The following SMG6 variants were observed in gnomAD, a reference collection of about 807,000 sequenced individuals.
SMG6 encodes the protein SMG6 nonsense mediated mRNA decay factor.
Under a neutral mutation model 142.2 loss-of-function variants are expected in SMG6, and 66 were observed. That is an observed-to-expected ratio of 0.46 (90% CI 0.38 to 0.57). The LOEUF is 0.57. Ranked by LOEUF, SMG6 falls within the 20% of genes least tolerant of loss-of-function variation. The pLI is 0.00. For synonymous variants in SMG6, 779 were observed against 702.4 expected, an observed-to-expected ratio of 1.11 and a Z score of -1.72; for missense variants, 1,793 against 1,832.0, an observed-to-expected ratio of 0.98 and a Z score of 0.39.
chr17:2,221,767 G>A (rs561778022), intron 10 of SMG6, among the ~76,000 whole-genome samples: 27 of 152,130 alleles, frequency 1.8e-4, no homozygotes, highest in African/African-American at 5.5e-4. Context: ...TTTTTGAGAC[G>A]GAGTCTTGCA....
At chr17:2,187,683 T>C (rs2072033544) in intron 11 of SMG6, among the ~76,000 whole-genome samples, 1 of 152,098 alleles carries the variant, frequency 6.6e-6, no homozygotes, top group African/African-American at 2.4e-5. Context: ...TCTGCACTAT[T>C]CTGGCTACTG....
At chr17:2,222,144 A>C (rs2073187285) in intron 10 of SMG6, among the ~76,000 whole-genome samples, 1 of 152,270 alleles carries the variant, frequency 6.6e-6, no homozygotes, top group Non-Finnish European at 1.5e-5. Context: ...AAAACAGACC[A>C]GAGACCCCTA....
At position 2,299,713 on chromosome 17, in the gene SMG6, C is replaced by T. The variant is rs758784815; in HGVS notation, c.1040G>A (p.Arg347Gln). 22 of 1,614,040 alleles carry T rather than the reference C, an allele frequency of 1.4e-5. No homozygotes were observed. The highest frequency in any genetic ancestry group is 2.7e-5 in the African/African-American group (2 of 74,908). The change falls in exon 2 of 19, where the codon CGA becomes CAA. Residue 347 changes from arginine to glutamine, a missense_variant. Physicochemically the swap from Arg to Gln is conservative, Grantham distance 43. Coordinates refer to ENST00000263073, the MANE Select transcript of SMG6 (RefSeq NM_017575.5). This position sits in a 1 kb window ranked among gnomAD's most constrained non-coding sequence, Gnocchi z 4.3. The part of the protein sequence containing the change: ...GEQKNSAKEY[R>Q]GTLRVTFDAE... ...ATCGAAAGTGACACGAAGAGTGCCT[C>T]GATATTCTTTAGCACTGTTTTTCTG...
At chr17:2,286,470 T>G (rs1281883299) in intron 6 of SMG6, among the ~76,000 whole-genome samples, 1 of 152,136 alleles carries the variant, frequency 6.6e-6, no homozygotes, top group Non-Finnish European at 1.5e-5. Context: ...TAAAGTGACT[T>G]TTTACAAGGG....
At chr17:2,292,167 A>G (rs2075052416) in intron 6 of SMG6, among the ~76,000 whole-genome samples, 2 of 152,256 alleles carry the variant, frequency 1.3e-5, no homozygotes. Context: ...ACTTAGAGGT[A>G]GGTGAAAACT....
At position 2,278,599 on chromosome 17, in the gene SMG6, T is replaced by C. The variant is rs138064315; in HGVS notation, c.2661+4048A>G. On this transcript the variant is annotated intron_variant, in intron 8 of 18. Transcript: ENST00000263073. ...TCCTTTTAAAACAAAATAAATTTGT[T>C]CCAGTACTGGAAGTATTGGAACGAG... Among the ~76,000 whole-genome samples the C allele has an allele frequency of 3.7e-3, 564 of 152,302 alleles. 1 individual carries two copies. Among genetic ancestry groups the C allele is most frequent in the African/African-American group, 0.013 (528 of 41,552 alleles).
chr17:2,245,022 C>T (rs1567713976), intron 8 of SMG6: 1 of 333,822 alleles, frequency 3.0e-6, no homozygotes, highest in Non-Finnish European at 5.5e-6. Context: ...AAGGTGCCCA[C>T]AGCTCTCTGA....
rs368935937 is a variant in SMG6 at position 2,283,615 on chromosome 17, C to G, written c.2448+10G>C. 27 of 1,604,658 alleles carry G rather than the reference C, an allele frequency of 1.7e-5. No homozygotes were observed. Among genetic ancestry groups the G allele is most frequent in the Non-Finnish European group, 2.1e-5 (25 of 1,171,584 alleles). On this transcript the variant is annotated intron_variant, in intron 7 of 18. Coordinates refer to ENST00000263073, the MANE Select transcript of SMG6 (RefSeq NM_017575.5). Reference sequence around the variant, plus strand: ...CGAGGAAGGAAGGGTTCTGCCACATCCCCACTCACCTTCCGCTTGGTCTCT... The same window carrying G: ...CGAGGAAGGAAGGGTTCTGCCACATGCCCACTCACCTTCCGCTTGGTCTCT...
In SMG6 at chr17:2,120,099, C is replaced by T. The variant is rs556588110; in HGVS notation, c.3358-34198G>A. ...CTGGGATTCCACGCGTGAGCCACCG[C>T]GCCCGGCCTCCATACAGCGCTTAGA... On this transcript the variant is annotated intron_variant, in intron 13 of 18. Transcript: ENST00000263073. Among the ~76,000 whole-genome samples, 6 of 152,352 alleles carry T rather than the reference C, an allele frequency of 3.9e-5. No homozygotes were observed. In the East Asian group the frequency reaches 5.8e-4, roughly 15 times the overall value.
chr17:2,198,638 T>A (rs2072409998), intron 10 of SMG6, among the ~76,000 whole-genome samples: 1 of 152,162 alleles, frequency 6.6e-6, no homozygotes, highest in East Asian at 1.9e-4. Flanking sequence ...TTAAAACAAC[T>A]TCCTGTGAAT....
At chr17:2,234,104 C>G (rs917929227) in intron 10 of SMG6, among the ~76,000 whole-genome samples, 2 of 152,096 alleles carry the variant, frequency 1.3e-5, no homozygotes, top group African/African-American at 4.8e-5. Flanking sequence ...TTTTCCATGT[C>G]TCTCCTGGCT....
At chr17:2,213,059 A>AT (rs2151750275) in intron 10 of SMG6, among the ~76,000 whole-genome samples, 1 of 152,346 alleles carries the variant, frequency 6.6e-6, no homozygotes, top group South Asian at 2.1e-4. Context: ...CCGAGAGTGA[A>AT]GGGGTGTGCT....
intron 13 of SMG6, among the ~76,000 whole-genome samples, chr17:2,159,470 A>C (rs2071108585): frequency 6.6e-6 from 1 of 152,082 alleles, no homozygotes. Flanking sequence ...TAAAACCAAA[A>C]TGAGATACTA....
intron 10 of SMG6, among the ~76,000 whole-genome samples, chr17:2,199,382 C>A (rs2151718157): frequency 6.6e-6 from 1 of 151,904 alleles, no homozygotes; most frequent in African/African-American, 2.4e-5. Flanking sequence ...CTTATAATCC[C>A]AGCACTTTGG....
intron 10 of SMG6, among the ~76,000 whole-genome samples, chr17:2,190,094 G>C (rs2072113374): frequency 6.6e-6 from 1 of 152,204 alleles, no homozygotes; most frequent in Non-Finnish European, 1.5e-5. Context: ...GGGGAGATAT[G>C]TAAGTTGTCA....
In SMG6 at chr17:2,236,699, TCTCACACA is replaced by T. The variant is rs1243212157; in HGVS notation, c.2724-70_2724-63del. ...CTCTTTCAGTCTCTCTCTCACTCTGTCTCACACACACACACACACACACACACACACAC... is the reference window on the plus strand; with the variant it reads ...CTCTTTCAGTCTCTCTCTCACTCTGTCACACACACACACACACACACACAC... On this transcript the variant is annotated intron_variant, in intron 9 of 18. Coordinates refer to ENST00000263073, the MANE Select transcript of SMG6 (RefSeq NM_017575.5). The T allele has an allele frequency of 4.1e-4, 606 of 1,460,660 alleles. 4 individuals carry two copies. The highest frequency in any genetic ancestry group is 2.6e-3 in the African/African-American group (138 of 53,146). The allele number at this position is 1,460,660 out of a possible 1,614,324, so 90.5% of individuals were successfully genotyped here.
chr17:2,259,832 C>T (rs1424865088), intron 8 of SMG6, among the ~76,000 whole-genome samples: 1 of 152,136 alleles, frequency 6.6e-6, no homozygotes, highest in Non-Finnish European at 1.5e-5. Context: ...GGGAGGAGCA[C>T]GAACTAATCT....
chr17:2,093,554 G>A (rs1193551491), intron 13 of SMG6, among the ~76,000 whole-genome samples: 1 of 152,158 alleles, frequency 6.6e-6, no homozygotes, highest in Non-Finnish European at 1.5e-5. Context: ...GAGGTGGGAG[G>A]GGCACTGCCT....
intron 6 of SMG6, among the ~76,000 whole-genome samples, chr17:2,288,238 C>T (rs1183000747): frequency 6.6e-6 from 1 of 151,622 alleles, no homozygotes; most frequent in Non-Finnish European, 1.5e-5. Flanking sequence ...CACTTGAACC[C>T]GGGAGGTGGA....
Sources: gnomAD v4.1 joint callset for allele counts (sites outside exome capture counted in the v4.1 genomes callset) on GRCh38, gnomAD v4.1.1 for gene constraint, Gnocchi (gnomAD v3.1) non-coding constraint, MANE v1.5 for transcripts, NCBI Gene and HGNC (gene_info 2026-07-23, HGNC 2026-07-21) for gene names.